Variants in CNTN5 observed in about 807,000 individuals in gnomAD.
The protein encoded by CNTN5 is contactin-5.
CNTN5 carries 77 observed loss-of-function variants against 129.1 expected under a neutral mutation model. That is an observed-to-expected ratio of 0.60 (90% CI 0.50 to 0.72). The LOEUF (loss-of-function observed/expected upper bound fraction) is 0.72. Among genes scored for constraint, CNTN5 ranks in the 30% least tolerant of loss-of-function variants. CNTN5 has a pLI of 0.00. For missense variants in CNTN5, 1,478 were observed against 1,328.8 expected, an observed-to-expected ratio of 1.11 and a Z score of -1.75; for synonymous variants, 509 against 465.6, an observed-to-expected ratio of 1.09 and a Z score of -1.20.
chr11:99,181,432 T>C (rs557619548), intron 1 of CNTN5, among the ~76,000 whole-genome samples: 3 of 152,292 alleles, frequency 2.0e-5, no homozygotes, highest in East Asian at 1.9e-4. Flanking sequence ...CCCACCCCCA[T>C]TGGTATTGGC....
intron 15 of CNTN5, among the ~76,000 whole-genome samples, chr11:100,219,383 A>G (rs1949214827): frequency 6.6e-6 from 1 of 152,214 alleles, no homozygotes; most frequent in Non-Finnish European, 1.5e-5. Context: ...GATTGAATGG[A>G]GCTACAAGTC....
chr11:99,209,450 G>T (rs1859653385), intron 1 of CNTN5, among the ~76,000 whole-genome samples: 1 of 144,118 alleles, frequency 6.9e-6, no homozygotes, highest in African/African-American at 2.6e-5. Context: ...GAGGGGAAAG[G>T]TGCCACACTG....
chr11:99,348,271 G>A (rs1000774311), intron 2 of CNTN5, among the ~76,000 whole-genome samples: 12 of 152,070 alleles, frequency 7.9e-5, no homozygotes, highest in East Asian at 3.9e-4. Context: ...CCCAGGAGGC[G>A]GAGCTTGCAG....
At chr11:99,047,598 G>T (rs1864265417) in intron 1 of CNTN5, among the ~76,000 whole-genome samples, 1 of 152,020 alleles carries the variant, frequency 6.6e-6, no homozygotes, top group Non-Finnish European at 1.5e-5. Context: ...TCTGGTAAAA[G>T]TTCATCGATA....
At chr11:99,834,403 G>A (rs1427700412) in intron 4 of CNTN5, among the ~76,000 whole-genome samples, 4 of 152,164 alleles carry the variant, frequency 2.6e-5, no homozygotes, top group African/African-American at 9.7e-5. Flanking sequence ...GCTTATGCCT[G>A]TAATTGCAGC....
intron 8 of CNTN5, among the ~76,000 whole-genome samples, chr11:99,970,420 A>G (rs1035107699): frequency 5.3e-5 from 8 of 152,248 alleles, no homozygotes; most frequent in African/African-American, 1.4e-4. Context: ...TTTAAAATAC[A>G]TTGGTCACAA....
At chr11:99,462,360 C>CTTTTTTTTTTTTTTTTT (rs72276833) in intron 2 of CNTN5, among the ~76,000 whole-genome samples, 15 of 125,274 alleles carry the variant, frequency 1.2e-4, no homozygotes, top group East Asian at 2.2e-4. Context: ...CTTTTCTTTT[C>CTTTTTTTTTTTTTTTTT]TTTTTTTTTT....
At chr11:100,064,544 T>C (rs574646316) in intron 10 of CNTN5, among the ~76,000 whole-genome samples, 1 of 151,996 alleles carries the variant, frequency 6.6e-6, no homozygotes, top group South Asian at 2.1e-4. Flanking sequence ...CTTGGAAAAA[T>C]TAAAATACTA....
intron 3 of CNTN5, among the ~76,000 whole-genome samples, chr11:99,593,909 A>G (rs1204983894): frequency 6.6e-6 from 1 of 152,152 alleles, no homozygotes; most frequent in African/African-American, 2.4e-5. Context: ...GAATGTGCCA[A>G]TTATCTTAAT....
At chr11:99,319,364 C>T (rs943248951) in intron 1 of CNTN5, among the ~76,000 whole-genome samples, 3 of 152,128 alleles carry the variant, frequency 2.0e-5, no homozygotes, top group Admixed American at 1.3e-4. Flanking sequence ...TGATTCAGTT[C>T]GTATTTTTCT....
chr11:99,666,243 T>C (rs1186686101), intron 3 of CNTN5, among the ~76,000 whole-genome samples: 1 of 152,144 alleles, frequency 6.6e-6, no homozygotes, highest in Non-Finnish European at 1.5e-5. Context: ...GCTTGGATTA[T>C]AGGCATGAGC....
chr11:99,648,991 T>TAAC (rs1565387633), intron 3 of CNTN5, among the ~76,000 whole-genome samples: 2 of 151,720 alleles, frequency 1.3e-5, no homozygotes, highest in Admixed American at 6.6e-5. Flanking sequence ...TAGTATTCTA[T>TAAC]AACACTATGG....
chr11:100,308,621 A>T, intron 21 of CNTN5, 153 bp downstream of exon 21: 1 of 1,362,122 alleles, frequency 7.3e-7, no homozygotes, highest in East Asian at 2.7e-5. Context: ...TTTTACTGGG[A>T]TGTGTTATGT....
At chr11:100,002,932 TACTTA>T (rs1265162310) in intron 9 of CNTN5, among the ~76,000 whole-genome samples, 6 of 152,152 alleles carry the variant, frequency 3.9e-5, no homozygotes, top group African/African-American at 1.4e-4. Context: ...AGTTACTAAT[TACTTA>T]ACTTCAGTTG....
intron 8 of CNTN5, among the ~76,000 whole-genome samples, chr11:99,962,535 A>G (rs1304372818): frequency 6.6e-6 from 1 of 151,320 alleles, no homozygotes; most frequent in Non-Finnish European, 1.5e-5. Context: ...TATGTGCCAC[A>G]TTTTCTTAAT....
intron 1 of CNTN5, among the ~76,000 whole-genome samples, chr11:99,243,433 C>A (rs2135765887): frequency 6.6e-6 from 1 of 152,026 alleles, no homozygotes; most frequent in African/African-American, 2.4e-5. Flanking sequence ...TTGATTGTTT[C>A]TTTTGCTGTG....
At chr11:99,523,101 T>G (rs917177029) in intron 2 of CNTN5, among the ~76,000 whole-genome samples, 2 of 152,238 alleles carry the variant, frequency 1.3e-5, no homozygotes, top group African/African-American at 2.4e-5. Flanking sequence ...TATCATATTT[T>G]TCCTCCTTTC....
chr11:99,697,535 A>G (rs1175950456), intron 3 of CNTN5, among the ~76,000 whole-genome samples: 17 of 151,824 alleles, frequency 1.1e-4, no homozygotes, highest in Admixed American at 1.1e-3. Flanking sequence ...AGCTTTCAAA[A>G]TCATCAAAAA....
intron 1 of CNTN5, among the ~76,000 whole-genome samples, chr11:99,102,817 T>C (rs898278820): frequency 1.3e-5 from 2 of 152,166 alleles, no homozygotes; most frequent in African/African-American, 4.8e-5. Flanking sequence ...AGTTCCAAAG[T>C]TGCTTCTACA....
Sources: allele counts gnomAD v4.1 joint callset (sites outside exome capture counted in the v4.1 genomes callset), GRCh38; gene constraint gnomAD v4.1.1; transcripts MANE v1.5; gene names NCBI Gene and HGNC (gene_info 2026-07-23, HGNC 2026-07-21).